Variants in ERCC2 observed in about 807,000 individuals in gnomAD.
ERCC2 encodes general transcription and DNA repair factor IIH helicase subunit XPD.
Under a neutral mutation model 99.4 loss-of-function variants are expected in ERCC2, and 90 were observed. The observed-to-expected ratio is 0.91, with a 90% CI of 0.76 to 1.08. The LOEUF is 1.08. Among genes scored for constraint, ERCC2 ranks in the 50% least tolerant of loss-of-function variants. The pLI is 0.00. For synonymous variants in ERCC2, 497 were observed against 432.4 expected (o/e 1.15, Z -1.85); for missense variants, 993 against 1,038.1 (o/e 0.96, Z 0.60).
intron 17 of ERCC2, among the ~76,000 whole-genome samples, 161 bp from the exon 18 acceptor site, chr19:45,353,495 G>GTTCCCCACCCA (rs1971901515): frequency 6.6e-6 from 1 of 152,132 alleles, no homozygotes; most frequent in Non-Finnish European, 1.5e-5. Context: ...CAGTTCTTTG[G>GTTCCCCACCCA]GGAAACAGTG....
Position 45,350,530 on chromosome 19 carries a change from C to T in ERCC2, c.*1099G>A, listed in dbSNP as rs771500038. The T allele has an allele frequency of 1.1e-5, 17 of 1,613,858 alleles. No individual in the cohort carries two copies. Among genetic ancestry groups the T allele is most frequent in the Middle Eastern group, 3.3e-4 (2 of 6,084 alleles). On this transcript the variant is annotated 3_prime_UTR_variant, in exon 23 of 23. Coordinates refer to ENST00000391945, the MANE Select transcript of ERCC2 (RefSeq NM_000400.4). ...TCCCCCTAGGTGCCCCCAACACAGGCACAGCTGGTGACGCAGAACAGGTGA... is the reference window on the plus strand; with the variant it reads ...TCCCCCTAGGTGCCCCCAACACAGGTACAGCTGGTGACGCAGAACAGGTGA...
chr19:45,352,429 C>A (rs1555775449), intron 21 of ERCC2, 77 bp from the exon 22 acceptor site: 1 of 1,613,818 alleles, frequency 6.2e-7, no homozygotes, highest in Admixed American at 1.7e-5. Context: ...CAACCCACCC[C>A]ACCTGGGAAA....
At chr19:45,368,470 G>A (rs3916800) in intron 5 of ERCC2, among the ~76,000 whole-genome samples, 160 bp downstream of exon 5, 307 of 152,260 alleles carry the variant, frequency 2.0e-3, no homozygotes, top group African/African-American at 7.0e-3. Flanking sequence ...GCTTGCCTGG[G>A]CCACGATGAA....
At chr19:45,354,665 T>G in intron 17 of ERCC2, 65 bp downstream of exon 17, 1 of 1,602,630 alleles carries the variant, frequency 6.2e-7, no homozygotes, top group Non-Finnish European at 8.5e-7. Flanking sequence ...GGAATGAAGC[T>G]GACATAGCGG....
chr19:45,357,006 G>T (rs1345252162), intron 15 of ERCC2, among the ~76,000 whole-genome samples: 2 of 152,178 alleles, frequency 1.3e-5, no homozygotes, highest in Non-Finnish European at 2.9e-5. Flanking sequence ...CGACCTAAGT[G>T]GTTTACCCCA....
At position 45,352,360 on chromosome 19, in the gene ERCC2, C is replaced by G; in HGVS notation, c.2047-8G>C. 6.2e-7 allele frequency: 1 copy of G among 1,613,832 alleles called. No homozygotes were observed. Among genetic ancestry groups the G allele is most frequent in the Non-Finnish European group, 8.5e-7 (1 of 1,179,928 alleles). ...GTCCCCACGGGCAAACCGCTGTGGG[C>G]AGAAGCGCAGGCCAGGGACAGAAGG... On this transcript the variant is annotated splice_region_variant and splice_polypyrimidine_tract_variant and intron_variant, in intron 21 of 22. Coordinates refer to ENST00000391945, the MANE Select transcript of ERCC2 (RefSeq NM_000400.4).
At chr19:45,352,392 G>C (rs375962773) in intron 21 of ERCC2, 40 bp from the exon 22 acceptor site, 13 of 1,613,560 alleles carry the variant, frequency 8.1e-6, no homozygotes, top group African/African-American at 2.7e-5. Context: ...AAGGTCATTC[G>C]GGGAGCCTGG....
At chr19:45,354,468 A>G (rs2123235758) in intron 17 of ERCC2, among the ~76,000 whole-genome samples, 1 of 152,316 alleles carries the variant, frequency 6.6e-6, no homozygotes, top group South Asian at 2.1e-4. Flanking sequence ...AGGAACCTAG[A>G]ACGTGGGGGT....
At chr19:45,357,971 C>T (rs1490882621) in intron 12 of ERCC2, 5 of 548,734 alleles carry the variant, frequency 9.1e-6, no homozygotes, top group Non-Finnish European at 1.7e-5. Flanking sequence ...TGCTCACTCT[C>T]CCAGCACCGC....
intron 22 of ERCC2, 101 bp downstream of exon 22, chr19:45,352,108 G>T: frequency 7.5e-7 from 1 of 1,341,714 alleles, no homozygotes; most frequent in Non-Finnish European, 1.0e-6. Context: ...GAGGGCAGGA[G>T]GACAGGCAGG....
In ERCC2 at chr19:45,361,458, G is replaced by A. The variant is rs1441426621; in HGVS notation, c.1237+66C>T. 17 of 1,168,748 alleles carry A rather than the reference G, an allele frequency of 1.5e-5. No homozygotes were observed. In the South Asian group the frequency reaches 2.0e-4, roughly 13 times the overall value. 72.4% of individuals were successfully genotyped at this position (1,168,748 alleles called of 1,614,324 possible). On this transcript the variant is annotated intron_variant, in intron 12 of 22. Coordinates refer to ENST00000391945, the MANE Select transcript of ERCC2 (RefSeq NM_000400.4). ...TGTGTGTCCTGCCAACAACCCTCTA[G>A]ACCCTGCTGGGACCCTGATTCCAGC...
At chr19:45,357,835 C>T (rs952806114) in intron 12 of ERCC2, 136 bp from the exon 13 acceptor site, 9 of 798,022 alleles carry the variant, frequency 1.1e-5, no homozygotes, top group Non-Finnish European at 1.9e-5. Flanking sequence ...TGCGACCAAA[C>T]ATGACTGCTT....
At chr19:45,359,207 G>C (rs1972122950) in intron 12 of ERCC2, among the ~76,000 whole-genome samples, 1 of 152,184 alleles carries the variant, frequency 6.6e-6, no homozygotes, top group Admixed American at 6.5e-5. Context: ...GGATGAGGGG[G>C]AGGTGGTTGG....
Position 45,351,279 on chromosome 19 carries a change from T to G in ERCC2, c.*350A>C, listed in dbSNP as rs764199901. 1 of 1,612,278 alleles carries G rather than the reference T, an allele frequency of 6.2e-7. No individual in the cohort carries two copies. Among genetic ancestry groups the G allele is most frequent in the East Asian group, 2.2e-5 (1 of 44,872 alleles). On this transcript the variant is annotated 3_prime_UTR_variant, in exon 23 of 23. Transcript: ENST00000391945. ...CCCCTCCAACCATCCCCTGTGCCTG[T>G]CTCCAGTTTCCCAGCTGGCACCTGG...
At chr19:45,364,591 AC>A in intron 7 of ERCC2, 44 bp from the exon 8 acceptor site, 1 of 1,604,846 alleles carries the variant, frequency 6.2e-7, no homozygotes, top group East Asian at 2.2e-5. Flanking sequence ...TGCCACCCCA[AC>A]CCCTACCCCT....
chr19:45,357,058 G>A (rs770441250), intron 15 of ERCC2, among the ~76,000 whole-genome samples: 2 of 152,198 alleles, frequency 1.3e-5, no homozygotes, highest in African/African-American at 2.4e-5. Context: ...GGAGATCAGG[G>A]AGGATACATT....
intron 12 of ERCC2, 113 bp from the exon 13 acceptor site, chr19:45,357,812 G>T: frequency 1.0e-6 from 1 of 965,724 alleles, no homozygotes; most frequent in Non-Finnish European, 1.6e-6. Flanking sequence ...ACCCCGTACT[G>T]CCTGGGAGTA....
chr19:45,362,630 T>A (rs1053272913), intron 11 of ERCC2, among the ~76,000 whole-genome samples: 6 of 152,364 alleles, frequency 3.9e-5, no homozygotes, highest in Middle Eastern at 6.8e-3. Context: ...GGTCGCTAGC[T>A]GAGGATGAGT....
At chr19:45,368,853 G>T in intron 4 of ERCC2, 77 bp downstream of exon 4, 1 of 1,582,622 alleles carries the variant, frequency 6.3e-7, no homozygotes. Context: ...CCGAAAGCTG[G>T]TGACGGCCAC....
Sources: allele counts gnomAD v4.1 joint callset (sites outside exome capture counted in the v4.1 genomes callset), GRCh38; gene constraint gnomAD v4.1.1; transcripts MANE v1.5; gene names NCBI Gene and HGNC (gene_info 2026-07-23, HGNC 2026-07-21).